KCNIP3: variants seen among roughly 807,000 people sequenced by gnomAD.
KCNIP3 encodes calsenilin.
In KCNIP3, 28 loss-of-function variants were observed where a neutral mutation model predicts 35.0. The observed-to-expected ratio is 0.80, with a 90% CI of 0.59 to 1.10. KCNIP3 has a LOEUF of 1.10. Among genes scored for constraint, KCNIP3 ranks in the 50% least tolerant of loss-of-function variants. KCNIP3 has a pLI of 0.00. For missense variants in KCNIP3, 295 were observed against 338.4 expected (o/e 0.87, Z 1.01); for synonymous variants, 134 against 133.8 (o/e 1.00, Z -0.01).
chr2:95,306,500 G>A (rs1020413907), intron 1 of KCNIP3, among the ~76,000 whole-genome samples: 1 of 152,214 alleles, frequency 6.6e-6, no homozygotes, highest in Non-Finnish European at 1.5e-5. Context: ...CACAAGGGCT[G>A]GGTGAAGAAG....
At chr2:95,318,463 C>T (rs1248253846) in intron 2 of KCNIP3, among the ~76,000 whole-genome samples, 1 of 152,342 alleles carries the variant, frequency 6.6e-6, no homozygotes, top group South Asian at 2.1e-4. Context: ...ACAGCCACCT[C>T]CCAAAACCTA....
chr2:95,384,465 C>G lies in KCNIP3; in HGVS notation c.*416C>G, dbSNP rs1286722106. On this transcript the variant is annotated 3_prime_UTR_variant, in exon 9 of 9. Transcript: ENST00000295225. ...CGTTCTCCATTCTGCTTTCTTGCCA[C>G]ACAGTGGGCCGGCCCCAGGCTCCCC... 9.5e-6 allele frequency: 2 copies of G among 209,782 alleles called. No homozygotes were observed. Among genetic ancestry groups the G allele is most frequent in the African/African-American group, 4.6e-5 (2 of 43,670 alleles). 13.0% of individuals were successfully genotyped at this position (209,782 alleles called of 1,614,324 possible).
At chr2:95,308,865 A>G (rs1459417394) in intron 1 of KCNIP3, among the ~76,000 whole-genome samples, 1 of 152,212 alleles carries the variant, frequency 6.6e-6, no homozygotes, top group Non-Finnish European at 1.5e-5. Flanking sequence ...CTGCCTCTGT[A>G]GAAGCTGCTT....
At chr2:95,317,923 C>T (rs563441831) in intron 2 of KCNIP3, among the ~76,000 whole-genome samples, 18 of 152,310 alleles carry the variant, frequency 1.2e-4, no homozygotes, top group African/African-American at 3.8e-4. Flanking sequence ...GCATCATCAG[C>T]GTCTTCTTCC....
intron 2 of KCNIP3, among the ~76,000 whole-genome samples, chr2:95,339,068 T>A (rs1679130368): frequency 6.6e-6 from 1 of 152,190 alleles, no homozygotes; most frequent in African/African-American, 2.4e-5. Context: ...TTACTTGCTA[T>A]CTTGACTCAG....
At chr2:95,316,310 G>A (rs1437837629) in intron 2 of KCNIP3, among the ~76,000 whole-genome samples, 1 of 152,242 alleles carries the variant, frequency 6.6e-6, no homozygotes, top group East Asian at 1.9e-4. Flanking sequence ...GGCCCGCCGG[G>A]CACCGCACCT....
At chr2:95,307,324 C>T (rs750969738) in intron 1 of KCNIP3, among the ~76,000 whole-genome samples, 3 of 152,230 alleles carry the variant, frequency 2.0e-5, no homozygotes, top group Non-Finnish European at 4.4e-5. Context: ...TCGGAACACA[C>T]CCAGCTCCAG....
intron 1 of KCNIP3, among the ~76,000 whole-genome samples, chr2:95,301,761 A>C (rs1678037129): frequency 6.6e-6 from 1 of 151,912 alleles, no homozygotes; most frequent in Admixed American, 6.6e-5. Flanking sequence ...CAGCATGGGG[A>C]GCTTGTCCTT....
chr2:95,329,435 A>G lies in KCNIP3; in HGVS notation c.181+18915A>G, dbSNP rs115537337. On this transcript the variant is annotated intron_variant, in intron 2 of 8. Transcript: ENST00000295225. Reference sequence around the variant, plus strand: ...GACTGGCATTCGCTGGGCACTGGCCACCCTGGACACTGCACTGGGCTTGCT... The same window carrying G: ...GACTGGCATTCGCTGGGCACTGGCCGCCCTGGACACTGCACTGGGCTTGCT... Among the ~76,000 whole-genome samples the G allele has an allele frequency of 2.0e-3, 299 of 152,314 alleles. 3 individuals are homozygous for G. Among genetic ancestry groups the G allele is most frequent in the African/African-American group, 6.9e-3 (285 of 41,570 alleles).
At chr2:95,342,514 T>C (rs1679216930) in intron 2 of KCNIP3, among the ~76,000 whole-genome samples, 1 of 152,258 alleles carries the variant, frequency 6.6e-6, no homozygotes, top group Non-Finnish European at 1.5e-5. Context: ...CAACTCACAT[T>C]GGCTTAAGCC....
At chr2:95,351,259 A>AAGAG (rs1305137142) in intron 2 of KCNIP3, among the ~76,000 whole-genome samples, 1 of 152,248 alleles carries the variant, frequency 6.6e-6, no homozygotes, top group Non-Finnish European at 1.5e-5. Context: ...AGGTCCTGAC[A>AAGAG]AGAGGAGTGA....
chr2:95,340,966 C>G (rs575377350), intron 2 of KCNIP3, among the ~76,000 whole-genome samples: 56 of 152,280 alleles, frequency 3.7e-4, no homozygotes, highest in African/African-American at 1.2e-3. Context: ...ATAAGCCTCC[C>G]AGATTTCATG....
Position 95,375,221 on chromosome 2 carries a change from G to T in KCNIP3, c.447+13G>T. The T allele has an allele frequency of 6.2e-7, 1 of 1,612,854 alleles. No individual in the cohort carries two copies. Reference sequence around the variant, plus strand: ...CATCCACTTTGAGGTAGGTCCTCGCGGATTCCTCCCACGTGTCCTGCCCCT... The same window carrying T: ...CATCCACTTTGAGGTAGGTCCTCGCTGATTCCTCCCACGTGTCCTGCCCCT... On this transcript the variant is annotated intron_variant, in intron 5 of 8. Transcript: ENST00000295225.
chr2:95,383,972 C>T (rs745952067), intron 8 of KCNIP3, 30 bp from the exon 9 acceptor site: 1 of 1,611,346 alleles, frequency 6.2e-7, no homozygotes, highest in South Asian at 1.1e-5. Flanking sequence ...CACCCAGCAC[C>T]TGAAGGCCTC....
intron 2 of KCNIP3, among the ~76,000 whole-genome samples, chr2:95,346,413 C>G (rs1246454542): frequency 6.6e-6 from 1 of 151,186 alleles, no homozygotes; most frequent in African/African-American, 2.4e-5. Context: ...GGTGGCGACG[C>G]GCCAGACTCC....
chr2:95,325,758 CACAT>C (rs1330724548), intron 2 of KCNIP3, among the ~76,000 whole-genome samples: 1 of 151,828 alleles, frequency 6.6e-6, no homozygotes, highest in East Asian at 1.9e-4. Context: ...CACTCATACA[CACAT>C]ACACACTCAT....
intron 2 of KCNIP3, among the ~76,000 whole-genome samples, chr2:95,327,209 G>C (rs753524817): frequency 3.9e-5 from 6 of 152,132 alleles, no homozygotes; most frequent in Non-Finnish European, 7.4e-5. Context: ...CCTGATGATG[G>C]TGCCTTACAC....
chr2:95,322,880 T>C (rs185689508), intron 2 of KCNIP3, among the ~76,000 whole-genome samples: 152 of 152,304 alleles, frequency 1.0e-3, no homozygotes, highest in African/African-American at 3.4e-3. Context: ...CCTGTGCCCC[T>C]CTGCTCAGAG....
intron 2 of KCNIP3, among the ~76,000 whole-genome samples, chr2:95,320,872 G>A (rs1678575786): frequency 6.7e-6 from 1 of 149,058 alleles, no homozygotes; most frequent in Admixed American, 6.7e-5. Flanking sequence ...CCTTCCCTAG[G>A]CCCTCTCCTC....
Sources: gnomAD v4.1 joint callset for allele counts (sites outside exome capture counted in the v4.1 genomes callset) on GRCh38, gnomAD v4.1.1 for gene constraint, MANE v1.5 for transcripts, NCBI Gene and HGNC (gene_info 2026-07-23, HGNC 2026-07-21) for gene names.